Variants in TNRC6A observed in about 807,000 individuals in gnomAD.
TNRC6A encodes the protein trinucleotide repeat containing adaptor 6A.
Under a neutral mutation model 221.2 loss-of-function variants are expected in TNRC6A, and 44 were observed. The observed-to-expected ratio is 0.20, with a 90% CI of 0.16 to 0.26. The LOEUF is 0.26. Among genes scored for constraint, TNRC6A ranks in the 10% least tolerant of loss-of-function variants. The pLI, the probability that TNRC6A is intolerant of heterozygous loss-of-function variation, is 1.00. For missense variants in TNRC6A, 2,199 were observed against 2,404.4 expected (o/e 0.91, Z 1.79); for synonymous variants, 847 against 838.5 (o/e 1.01, Z -0.18).
At chr16:24,620,902 G>A in intron 1 of TNRC6A, among the ~76,000 whole-genome samples, 1 of 151,828 alleles carries the variant, frequency 6.6e-6, no homozygotes, top group Non-Finnish European at 1.5e-5. Context: ...TGGCCAACAT[G>A]GTGAAACCCC....
chr16:24,658,711 T>G (rs1467712435), intron 2 of TNRC6A, among the ~76,000 whole-genome samples: 1 of 152,098 alleles, frequency 6.6e-6, no homozygotes, highest in Non-Finnish European at 1.5e-5. Flanking sequence ...TTTTCCTGAT[T>G]AGTTGACTTT....
intron 1 of TNRC6A, among the ~76,000 whole-genome samples, chr16:24,621,139 A>AAGAC (rs1324583379): frequency 2.0e-5 from 3 of 151,360 alleles, no homozygotes; most frequent in African/African-American, 7.3e-5. Flanking sequence ...GAAAGAAAGA[A>AAGAC]AAATAGTATT....
chr16:24,708,635 G>A (rs7188815), intron 2 of TNRC6A, among the ~76,000 whole-genome samples: 39,028 of 151,736 alleles, frequency 0.26, 8,312 homozygotes, highest in East Asian at 0.72. Context: ...GTAGTCTTTT[G>A]TCTCTCACCC....
rs1357818755 is a variant in TNRC6A, at chr16:24,748,401, GAGCTTGTTC to G, written c.54-2322_54-2314del. On this transcript the variant is annotated intron_variant, in intron 2 of 24. Transcript: ENST00000395799. ...ACTTCCCTGGGATTGTAGTGTGAGT[GAGCTTGTTC>G]AGTCTTACTACCTCCTGCACACAGA... Among the ~76,000 whole-genome samples, 3 of 152,212 alleles carry G rather than the reference GAGCTTGTTC, an allele frequency of 2.0e-5. No individual in the cohort carries two copies. In the East Asian group the frequency reaches 5.8e-4, roughly 29 times the overall value.
chr16:24,639,795 C>T lies in TNRC6A; in HGVS notation n.277-1089C>T, dbSNP rs528341833. On this transcript the variant is annotated intron_variant and non_coding_transcript_variant, in intron 1 of 2. Coordinates refer to the TNRC6A transcript ENST00000566108. ...TGAGTAGCTGGGACTTACAGACATG[C>T]ACCACCACATTTGGTTAATTTTTGT... 2.0e-5 allele frequency among the ~76,000 whole-genome samples: 3 copies of T among 152,198 alleles called. No individual in the cohort carries two copies. The South Asian group carries it at 6.2e-4, about 32-fold the overall frequency.
At chr16:24,764,829 T>G (rs1290428717) in intron 4 of TNRC6A, among the ~76,000 whole-genome samples, 1 of 152,184 alleles carries the variant, frequency 6.6e-6, no homozygotes, top group Non-Finnish European at 1.5e-5. Context: ...GTACTGAACC[T>G]CATATATGCT....
chr16:24,643,447 T>C (rs541096391), intron 2 of TNRC6A, among the ~76,000 whole-genome samples: 1 of 152,234 alleles, frequency 6.6e-6, no homozygotes, highest in South Asian at 2.1e-4. Context: ...TTTTGCTTTA[T>C]GTGGTTTCTT....
chr16:24,774,217 C>CA (rs2151692314), intron 4 of TNRC6A, among the ~76,000 whole-genome samples: 1 of 152,276 alleles, frequency 6.6e-6, no homozygotes, highest in East Asian at 1.9e-4. Context: ...TGTTACCTAG[C>CA]AACCCCCACC....
intron 11 of TNRC6A, chr16:24,803,370 G>C: frequency 6.6e-6 from 1 of 151,802 alleles, no homozygotes; most frequent in Non-Finnish European, 1.5e-5. Flanking sequence ...AGTGAGCCAA[G>C]ATCACACCAC....
At chr16:24,698,510 G>A (rs2055907424) in intron 2 of TNRC6A, among the ~76,000 whole-genome samples, 1 of 152,110 alleles carries the variant, frequency 6.6e-6, no homozygotes, top group African/African-American at 2.4e-5. Context: ...GTGTTCCAGG[G>A]ACCATTACAA....
intron 21 of TNRC6A, chr16:24,819,507 C>CTTTCTTTTTTTTTT (rs2058723412): frequency 4.9e-5 from 4 of 82,032 alleles, no homozygotes; most frequent in East Asian, 5.2e-4. Context: ...CTTTTTCTTT[C>CTTTCTTTTTTTTTT]TTTTTTTTTT....
intron 3 of TNRC6A, among the ~76,000 whole-genome samples, chr16:24,756,520 T>C (rs1255718667): frequency 6.6e-6 from 1 of 152,210 alleles, no homozygotes; most frequent in Non-Finnish European, 1.5e-5. Flanking sequence ...CTTAGGTGTC[T>C]CCATGGGGCC....
chr16:24,781,498 A>G (rs1479407285), intron 5 of TNRC6A, among the ~76,000 whole-genome samples: 2 of 152,184 alleles, frequency 1.3e-5, no homozygotes, highest in African/African-American at 4.8e-5. Context: ...CTTGACTAAA[A>G]TAACTCTATT....
chr16:24,642,169 T>C (rs979963832), intron 2 of TNRC6A, among the ~76,000 whole-genome samples: 1 of 152,012 alleles, frequency 6.6e-6, no homozygotes, highest in African/African-American at 2.4e-5. Context: ...AGAGGCTCCA[T>C]AGGGAGGGGC....
rs534213533 is a variant in TNRC6A at position 24,747,169 on chromosome 16, A to C, written c.54-3557A>C. On this transcript the variant is annotated intron_variant, in intron 2 of 24. Coordinates refer to ENST00000395799, the MANE Select transcript of TNRC6A (RefSeq NM_014494.4). ...AAACCAACTTTAAAATACAATTTAC[A>C]TACAGTAAAATTCAAACATTGAGTG... Among the ~76,000 whole-genome samples, 4 of 152,362 alleles carry C rather than the reference A, an allele frequency of 2.6e-5. No homozygotes were observed. In the East Asian group the frequency reaches 7.7e-4, roughly 29 times the overall value.
chr16:24,769,481 A>AC (rs1385514123), intron 4 of TNRC6A, among the ~76,000 whole-genome samples: 1 of 151,872 alleles, frequency 6.6e-6, no homozygotes, highest in African/African-American at 2.4e-5. Context: ...AAAAAAAAAA[A>AC]AAAACCCTAA....
chr16:24,672,961 G>C (rs1239747959), intron 2 of TNRC6A, among the ~76,000 whole-genome samples: 1 of 152,012 alleles, frequency 6.6e-6, no homozygotes, highest in Non-Finnish European at 1.5e-5. Flanking sequence ...AGCACTTTGG[G>C]AGGCCAAGGC....
chr16:24,660,939 C>T (rs1024458334), intron 2 of TNRC6A, among the ~76,000 whole-genome samples: 1 of 151,798 alleles, frequency 6.6e-6, no homozygotes, highest in African/African-American at 2.4e-5. Flanking sequence ...GACGGGGTTT[C>T]ACCGTGTAAG....
intron 2 of TNRC6A, among the ~76,000 whole-genome samples, chr16:24,665,393 G>A (rs186490374): frequency 6.6e-6 from 1 of 152,200 alleles, no homozygotes; most frequent in Non-Finnish European, 1.5e-5. Flanking sequence ...ATTGGTAAAT[G>A]GCCCCATCCC....
Sources: gnomAD v4.1 joint callset for allele counts (sites outside exome capture counted in the v4.1 genomes callset) on GRCh38, gnomAD v4.1.1 for gene constraint, MANE v1.5 for transcripts, NCBI Gene and HGNC (gene_info 2026-07-23, HGNC 2026-07-21) for gene names.